PARN: variants seen among roughly 807,000 people sequenced by gnomAD.
The protein encoded by PARN is poly(A)-specific ribonuclease, also known as poly(A)-specific ribonuclease PARN.
PARN carries 71 observed loss-of-function variants against 102.8 expected under a neutral mutation model. The ratio of observed to expected loss-of-function variants is 0.69; its 90% CI spans 0.57 to 0.84. The LOEUF is 0.84. PARN is among the 40% of genes least tolerant of loss of function. The pLI, the probability that PARN is intolerant of heterozygous loss-of-function variation, is 0.00. For missense variants in PARN, 782 were observed against 760.9 expected (o/e 1.03, Z -0.33); for synonymous variants, 261 against 252.9 (o/e 1.03, Z -0.30).
At chr16:14,464,356 C>T (rs548649646) in intron 22 of PARN, among the ~76,000 whole-genome samples, 6 of 152,028 alleles carry the variant, frequency 3.9e-5, no homozygotes, top group South Asian at 4.2e-4. Context: ...AGATTTCTGT[C>T]GAGAAATAAT....
At position 14,464,517 on chromosome 16, in the gene PARN, A is replaced by C. The variant is rs139815876; in HGVS notation, c.1671-17436T>G. 3.4e-3 allele frequency among the ~76,000 whole-genome samples: 525 copies of C among 152,274 alleles called. 11 individuals carry two copies. In the East Asian group the frequency reaches 0.058, roughly 17 times the overall value. Reference sequence around the variant, plus strand: ...ACGCCTGTAATCCCAGCATTTTGGGAGGCTGAAGCAGGCAGATCACCTGAG... The same window carrying C: ...ACGCCTGTAATCCCAGCATTTTGGGCGGCTGAAGCAGGCAGATCACCTGAG... On this transcript the variant is annotated intron_variant, in intron 22 of 23. Coordinates refer to ENST00000437198, the MANE Select transcript of PARN (RefSeq NM_002582.4).
chr16:14,536,602 A>G (rs1003064812), intron 21 of PARN, among the ~76,000 whole-genome samples: 1 of 152,230 alleles, frequency 6.6e-6, no homozygotes, highest in Non-Finnish European at 1.5e-5. Context: ...CTTAAATACT[A>G]TATACACAAT....
chr16:14,613,139 G>A (rs887485458), intron 6 of PARN, among the ~76,000 whole-genome samples: 6 of 151,084 alleles, frequency 4.0e-5, no homozygotes, highest in African/African-American at 1.5e-4. Flanking sequence ...GAGAAACCCT[G>A]TCTCTACTAA....
intron 21 of PARN, among the ~76,000 whole-genome samples, chr16:14,483,621 C>T (rs1214827378): frequency 1.3e-5 from 2 of 152,114 alleles, no homozygotes; most frequent in African/African-American, 4.8e-5. Flanking sequence ...TCATCCATCA[C>T]GCAAATTAAG....
At chr16:14,445,110 G>C (rs1961140100) in intron 23 of PARN, among the ~76,000 whole-genome samples, 1 of 148,524 alleles carries the variant, frequency 6.7e-6, no homozygotes, top group Admixed American at 6.9e-5. Context: ...TTATAGTTGT[G>C]AGCTACCATG....
At chr16:14,472,074 A>C (rs538658571) in intron 22 of PARN, among the ~76,000 whole-genome samples, 1 of 152,204 alleles carries the variant, frequency 6.6e-6, no homozygotes, top group East Asian at 1.9e-4. Context: ...AAGAGATGTC[A>C]AAGGAAGGAG....
intron 21 of PARN, among the ~76,000 whole-genome samples, chr16:14,525,137 A>T (rs969055813): frequency 6.6e-6 from 1 of 152,220 alleles, no homozygotes; most frequent in African/African-American, 2.4e-5. Flanking sequence ...TTCAGTATGA[A>T]GATCTCTAAG....
intron 11 of PARN, 28 bp downstream of exon 11, chr16:14,604,118 C>A (rs777399575): frequency 3.7e-6 from 5 of 1,356,142 alleles, no homozygotes; most frequent in Non-Finnish European, 4.2e-6. Context: ...CATTTCTCAC[C>A]CCCCAAGAAT....
intron 18 of PARN, among the ~76,000 whole-genome samples, chr16:14,560,320 GTTCT>G (rs1367355147): frequency 6.6e-6 from 1 of 152,168 alleles, no homozygotes; most frequent in Non-Finnish European, 1.5e-5. Flanking sequence ...TGCACGAAAC[GTTCT>G]TTCTATTTTA....
intron 22 of PARN, among the ~76,000 whole-genome samples, chr16:14,453,805 C>A (rs1310532391): frequency 1.3e-5 from 2 of 152,112 alleles, no homozygotes; most frequent in African/African-American, 4.8e-5. Flanking sequence ...ACAATTTATT[C>A]ATTTACCAGT....
At chr16:14,462,430 A>G (rs1184835944) in intron 22 of PARN, among the ~76,000 whole-genome samples, 6 of 152,114 alleles carry the variant, frequency 3.9e-5, no homozygotes, top group Non-Finnish European at 7.3e-5. Flanking sequence ...AAGAAAGAAG[A>G]GAGAAATGAA....
At chr16:14,527,939 A>G (rs56385332) in intron 21 of PARN, among the ~76,000 whole-genome samples, 26,417 of 152,228 alleles carry the variant, frequency 0.17, 2,645 homozygotes, top group Middle Eastern at 0.28. Flanking sequence ...CTTTGGCTGG[A>G]AGCACATGTT....
rs551145253 is a variant in PARN, at chr16:14,541,117, A to G, written c.1480+10904T>C. Among the ~76,000 whole-genome samples, 10 of 145,994 alleles carry G rather than the reference A, an allele frequency of 6.8e-5. No homozygotes were observed. In the South Asian group the frequency reaches 2.2e-3, roughly 31 times the overall value. Reference sequence around the variant, plus strand: ...ACCAGCCTGGACATCATGGCGAAACATCTTTTTTTTTTTTTTTTTTTAAAG... The same window carrying G: ...ACCAGCCTGGACATCATGGCGAAACGTCTTTTTTTTTTTTTTTTTTTAAAG... On this transcript the variant is annotated intron_variant, in intron 21 of 23. Transcript: ENST00000437198.
chr16:14,505,600 GA>G (rs575974041), intron 21 of PARN, among the ~76,000 whole-genome samples: 45 of 152,290 alleles, frequency 3.0e-4, no homozygotes, highest in Admixed American at 2.7e-3. Context: ...AAAATGAGGG[GA>G]GGGGGAAGAT....
At chr16:14,533,854 TGA>T in intron 21 of PARN, among the ~76,000 whole-genome samples, 1 of 152,308 alleles carries the variant, frequency 6.6e-6, no homozygotes, top group Middle Eastern at 3.4e-3. Context: ...CACAAGACAC[TGA>T]TTCCTTGAAT....
chr16:14,618,614 G>C (rs2151810437), intron 5 of PARN, among the ~76,000 whole-genome samples: 1 of 148,086 alleles, frequency 6.8e-6, no homozygotes, highest in South Asian at 2.1e-4. Context: ...TGAGCCGAGA[G>C]AGCCACTGCA....
chr16:14,626,045 A>AAGG (rs1272106123), intron 5 of PARN, among the ~76,000 whole-genome samples: 1 of 152,210 alleles, frequency 6.6e-6, no homozygotes, highest in East Asian at 1.9e-4. Flanking sequence ...GAATATCCTG[A>AAGG]AGGAGAACCT....
chr16:14,464,611 G>T (rs1962211408), intron 22 of PARN, among the ~76,000 whole-genome samples: 2 of 152,226 alleles, frequency 1.3e-5, no homozygotes, highest in Admixed American at 6.5e-5. Context: ...ACAAAAATTA[G>T]CCAGGCGTGG....
chr16:14,462,650 GAGAAGA>G (rs146679843), intron 22 of PARN, among the ~76,000 whole-genome samples: 17 of 150,736 alleles, frequency 1.1e-4, no homozygotes, highest in South Asian at 6.3e-4. Context: ...GAGACAGAGA[GAGAAGA>G]AGAAGAAGAA....
Sources: gnomAD v4.1 joint callset for allele counts (sites outside exome capture counted in the v4.1 genomes callset) on GRCh38, gnomAD v4.1.1 for gene constraint, MANE v1.5 for transcripts, NCBI Gene and HGNC (gene_info 2026-07-23, HGNC 2026-07-21) for gene names.